The following PRLR variants were observed in gnomAD, a reference collection of about 807,000 sequenced individuals.
PRLR encodes hPRL receptor.
A neutral mutation model predicts 40.2 loss-of-function variants in PRLR; 13 were observed. That is an observed-to-expected ratio of 0.32 (90% confidence interval 0.21 to 0.51). The LOEUF (loss-of-function observed/expected upper bound fraction) is 0.51. PRLR is among the 20% of genes least tolerant of loss of function. PRLR has a pLI of 0.97. For synonymous variants in PRLR, 269 were observed against 278.7 expected (o/e 0.97, Z 0.35); for missense variants, 656 against 747.3 (o/e 0.88, Z 1.42).
At chr5:35,162,770 G>A (rs1774711247) in intron 1 of PRLR, among the ~76,000 whole-genome samples, 1 of 152,184 alleles carries the variant, frequency 6.6e-6, no homozygotes, top group Non-Finnish European at 1.5e-5. Context: ...CTCTCCACAT[G>A]CCTCGTCCCT....
chr5:35,167,138 CATCT>C (rs10524859), intron 1 of PRLR, among the ~76,000 whole-genome samples: 52,766 of 147,158 alleles, frequency 0.36, 9,503 homozygotes, highest in Middle Eastern at 0.45. Context: ...GTTTGTCTAT[CATCT>C]ATCTATCTAT....
chr5:35,097,911 A>G (rs1031386315), intron 2 of PRLR, among the ~76,000 whole-genome samples: 1 of 152,120 alleles, frequency 6.6e-6, no homozygotes, highest in African/African-American at 2.4e-5. Flanking sequence ...GCTCAAGCTG[A>G]GAGGGGCAGG....
rs548229864 is a variant in PRLR, at chr5:35,060,868, C to T, written c.*4221G>A. 1 of 152,290 alleles carries T rather than the reference C, an allele frequency of 6.6e-6. No individual in the cohort carries two copies. Among genetic ancestry groups the T allele is most frequent in the South Asian group, 2.1e-4 (1 of 4,826 alleles). 9.4% of individuals were successfully genotyped at this position (152,290 alleles called of 1,614,324 possible). On this transcript the variant is annotated 3_prime_UTR_variant, in exon 10 of 10. Coordinates refer to ENST00000618457, the MANE Select transcript of PRLR (RefSeq NM_000949.7). ...CAGGTTTAGGCATGTAAGCCAATGA[C>T]ATTCAAAAATGTATCAATAAGTTTT...
intron 1 of PRLR, among the ~76,000 whole-genome samples, chr5:35,212,185 A>G (rs577381221): frequency 1.3e-5 from 2 of 152,360 alleles, no homozygotes; most frequent in Admixed American, 6.5e-5. Flanking sequence ...CAGGGCAGCC[A>G]TTTCTGATAA....
intron 1 of PRLR, among the ~76,000 whole-genome samples, chr5:35,157,198 T>C (rs1233380559): frequency 4.6e-5 from 7 of 152,102 alleles, no homozygotes; most frequent in Non-Finnish European, 8.8e-5. Context: ...TTCAAAGTTT[T>C]CCTTTATGGA....
chr5:35,197,553 C>A (rs182876290), intron 1 of PRLR, among the ~76,000 whole-genome samples: 2 of 152,352 alleles, frequency 1.3e-5, no homozygotes, highest in Non-Finnish European at 2.9e-5. Flanking sequence ...CTCAGCTCAG[C>A]TGCTTCCATC....
At chr5:35,081,626 C>T (rs983865201) in intron 5 of PRLR, 1 of 152,784 alleles carries the variant, frequency 6.5e-6, no homozygotes, top group Admixed American at 6.5e-5. Flanking sequence ...CTCATATACA[C>T]TTGATTTCTC....
chr5:35,079,093 C>G (rs1033387239), intron 5 of PRLR, among the ~76,000 whole-genome samples: 1 of 152,136 alleles, frequency 6.6e-6, no homozygotes, highest in Non-Finnish European at 1.5e-5. Context: ...AAACCCACAG[C>G]CAATATCATA....
downstream of PRLR, among the ~76,000 whole-genome samples, chr5:35,055,262 G>A (rs902940438): frequency 2.0e-5 from 3 of 152,076 alleles, no homozygotes; most frequent in African/African-American, 7.2e-5. Flanking sequence ...TGGAAACATG[G>A]GAAAGTTGAT....
chr5:35,215,758 G>A (rs79487471), intron 1 of PRLR, among the ~76,000 whole-genome samples: 4,402 of 151,790 alleles, frequency 0.029, 85 homozygotes, highest in Middle Eastern at 0.072. Flanking sequence ...AGTAAGGGCC[G>A]GGCACGGTGG....
chr5:35,092,338 C>T (rs759733424), intron 2 of PRLR, among the ~76,000 whole-genome samples: 21 of 152,116 alleles, frequency 1.4e-4, no homozygotes, highest in Non-Finnish European at 1.2e-4. Context: ...CCAACTCATC[C>T]TGCATTTTCT....
At chr5:35,106,211 G>T (rs1288317642) in intron 2 of PRLR, among the ~76,000 whole-genome samples, 2 of 152,146 alleles carry the variant, frequency 1.3e-5, no homozygotes, top group Non-Finnish European at 2.9e-5. Context: ...TGCCTTACAA[G>T]AGCTCCTGAA....
intron 5 of PRLR, among the ~76,000 whole-genome samples, chr5:35,075,634 T>G (rs1411159677): frequency 6.6e-6 from 1 of 152,306 alleles, no homozygotes; most frequent in South Asian, 2.1e-4. Context: ...GAACAAAAGG[T>G]AGCAGAAACT....
chr5:35,066,028 C>T lies in PRLR; in HGVS notation c.930G>A (p.Leu310=). 1.9e-6 allele frequency: 3 copies of T among 1,614,154 alleles called. No individual in the cohort carries two copies. The highest frequency in any genetic ancestry group is 2.5e-6 in the Non-Finnish European group (3 of 1,179,992). Reference sequence around the variant, plus strand: ...CATCTACTTCTAAATACTCCACCAGCAAGTCCTCATAGTCAGAAGTGGGAG... The same window carrying T: ...CATCTACTTCTAAATACTCCACCAGTAAGTCCTCATAGTCAGAAGTGGGAG... The part of the protein sequence containing the change: ...DFPPTSDYED[L]LVEYLEVDDS... Residue 310 remains leucine (L), a synonymous_variant, in exon 10 of 10, where the codon TTG becomes TTA. Transcript: ENST00000618457.
downstream of PRLR, among the ~76,000 whole-genome samples, chr5:35,052,637 A>G (rs867080526): frequency 2.0e-5 from 3 of 152,158 alleles, no homozygotes; most frequent in Non-Finnish European, 2.9e-5. Flanking sequence ...AAATATTACT[A>G]TAACTTTACA....
At chr5:35,148,799 T>G (rs1774258871) in intron 1 of PRLR, among the ~76,000 whole-genome samples, 1 of 152,168 alleles carries the variant, frequency 6.6e-6, no homozygotes, top group African/African-American at 2.4e-5. Context: ...AATTTGATAT[T>G]GCAAACAAGG....
At chr5:35,134,435 G>A (rs1037973337) in intron 1 of PRLR, among the ~76,000 whole-genome samples, 3 of 152,116 alleles carry the variant, frequency 2.0e-5, no homozygotes, top group African/African-American at 7.2e-5. Context: ...CAGTAAATAA[G>A]TCCGGATATC....
chr5:35,075,079 A>C (rs1025502519), intron 5 of PRLR, among the ~76,000 whole-genome samples: 1 of 152,248 alleles, frequency 6.6e-6, no homozygotes, highest in Non-Finnish European at 1.5e-5. Flanking sequence ...TCTGGTTCCA[A>C]GATGGCTGAA....
At chr5:35,222,459 C>T (rs1022504729) in intron 1 of PRLR, among the ~76,000 whole-genome samples, 1 of 152,098 alleles carries the variant, frequency 6.6e-6, no homozygotes, top group Non-Finnish European at 1.5e-5. Flanking sequence ...GGAATAGCAA[C>T]CAGAGTCTTC....
Sources: allele counts gnomAD v4.1 joint callset (sites outside exome capture counted in the v4.1 genomes callset), GRCh38; gene constraint gnomAD v4.1.1; transcripts MANE v1.5; gene names NCBI Gene and HGNC (gene_info 2026-07-23, HGNC 2026-07-21).